Variants in CLRN3 observed in about 807,000 individuals in gnomAD.
CLRN3 encodes the protein clarin 3.
In CLRN3, 12 loss-of-function variants were observed where a neutral mutation model predicts 16.7. The observed-to-expected ratio is 0.72, with a 90% CI of 0.46 to 1.16. CLRN3 has a LOEUF of 1.16. CLRN3 is among the 50% of genes most tolerant of loss of function. The pLI is 0.00. For missense variants in CLRN3, 296 were observed against 274.2 expected, an observed-to-expected ratio of 1.08 and a Z score of -0.56; for synonymous variants, 118 against 113.0, an observed-to-expected ratio of 1.04 and a Z score of -0.28.
intron 1 of CLRN3, 135 bp downstream of exon 1, chr10:127,892,421 A>G: frequency 4.8e-6 from 3 of 626,602 alleles, no homozygotes; most frequent in East Asian, 2.7e-5. Context: ...CAAAATTATG[A>G]GTTAAGCTTG....
chr10:127,883,940 C>T (rs1314835433), intron 1 of CLRN3, 65 bp from the exon 2 acceptor site: 2 of 1,419,862 alleles, frequency 1.4e-6, no homozygotes, highest in Non-Finnish European at 2.0e-6. Context: ...TGGCATTCCT[C>T]CCCACCCTAC....
chr10:127,878,450 C>T (rs772380471), intron 2 of CLRN3, 30 bp from the exon 3 acceptor site: 1 of 1,610,778 alleles, frequency 6.2e-7, no homozygotes, highest in African/African-American at 1.3e-5. Context: ...TCATGCATGG[C>T]ATGGTGATAC....
intron 1 of CLRN3, 122 bp from the exon 2 acceptor site, chr10:127,883,997 A>T (rs554713102): frequency 1.1e-6 from 1 of 875,236 alleles, no homozygotes; most frequent in South Asian, 1.4e-5. Flanking sequence ...AGTTAGAGAT[A>T]CCAGGAGCCT....
intron 1 of CLRN3, among the ~76,000 whole-genome samples, chr10:127,885,705 G>A (rs7915078): frequency 0.27 from 40,500 of 151,988 alleles, 6,699 homozygotes; most frequent in African/African-American, 0.47. Context: ...CTCAGCCTCC[G>A]GAGTAGCTGG....
rs1421808623 is a variant in CLRN3 at position 127,892,789 on chromosome 10, A to T, written c.-5T>A. ...TGTCTTCTTTGTGGTAGGCATTTTC[A>T]CAGGAAAATAAGTTCTCTAGGACAA... On this transcript the variant is annotated 5_prime_UTR_variant, in exon 1 of 3. Coordinates refer to ENST00000368671, the MANE Select transcript of CLRN3 (RefSeq NM_152311.5). The T allele has an allele frequency of 6.4e-7, 1 of 1,572,202 alleles. No individual in the cohort carries two copies. Among genetic ancestry groups the T allele is most frequent in the Admixed American group, 1.7e-5 (1 of 59,880 alleles).
At chr10:127,891,365 A>G (rs187647366) in intron 1 of CLRN3, among the ~76,000 whole-genome samples, 1 of 152,340 alleles carries the variant, frequency 6.6e-6, no homozygotes, top group Admixed American at 6.5e-5. Context: ...CTCTTACTTA[A>G]AATTTGTTAA....
At chr10:127,878,571 A>C (rs1423922832) in intron 2 of CLRN3, 151 bp from the exon 3 acceptor site, 1 of 1,102,126 alleles carries the variant, frequency 9.1e-7, no homozygotes, top group Non-Finnish European at 1.3e-6. Flanking sequence ...CAAAATTGTA[A>C]GACACAAACT....
intron 1 of CLRN3, among the ~76,000 whole-genome samples, chr10:127,887,135 T>TA (rs1281705253): frequency 6.6e-6 from 1 of 151,824 alleles, no homozygotes; most frequent in Non-Finnish European, 1.5e-5. Flanking sequence ...TTGAAAGTAA[T>TA]AGAGGGGGAC....
rs149953463 is a variant in CLRN3 at position 127,878,164 on chromosome 10, G to A, written c.666C>T (p.Asp222=). Residue 222 remains aspartate (D), a synonymous_variant, in exon 3 of 3, where the codon GAC becomes GAT. Coordinates refer to ENST00000368671, the MANE Select transcript of CLRN3 (RefSeq NM_152311.5). Reference sequence around the variant, plus strand: ...GAAAGAGAATTCAGAATAAAATTCCGTCCCTTGGAGCATATTCCATTGGCT... The same window carrying A: ...GAAAGAGAATTCAGAATAAAATTCCATCCCTTGGAGCATATTCCATTGGCT... ...QRKPMEYAPR[D]GILF is the part of the protein sequence containing the mutation. The A allele has an allele frequency of 2.1e-4, 345 of 1,611,680 alleles. No individual in the cohort carries two copies. Among genetic ancestry groups the A allele is most frequent in the Middle Eastern group, 8.3e-4 (5 of 6,014 alleles).
At position 127,878,196 on chromosome 10, in the gene CLRN3, G is replaced by A. The variant is rs1431263341; in HGVS notation, c.634C>T (p.Gln212Ter). Residue 212 changes from glutamine to a stop codon, truncating the protein, a stop_gained, in exon 3 of 3, where the codon CAG (glutamine) becomes TAG (stop). Coordinates refer to ENST00000368671, the MANE Select transcript of CLRN3 (RefSeq NM_152311.5). LOFTEE classifies it high-confidence loss of function. Reference sequence around the variant, plus strand: ...GGAGCATATTCCATTGGCTTTCTCTGCTCCTGCTTCCGCTGGTATCTGGCC... The same window carrying A: ...GGAGCATATTCCATTGGCTTTCTCTACTCCTGCTTCCGCTGGTATCTGGCC... The part of the protein sequence containing the change: ...QKARYQRKQE[Q>*]RKPMEYAPRD... The A allele has an allele frequency of 6.2e-7, 1 of 1,614,138 alleles. No homozygotes were observed. The highest frequency in any genetic ancestry group is 1.1e-5 in the South Asian group (1 of 91,084).
chr10:127,886,135 C>T (rs1247001988), intron 1 of CLRN3, among the ~76,000 whole-genome samples: 1 of 152,160 alleles, frequency 6.6e-6, no homozygotes, highest in East Asian at 1.9e-4. Flanking sequence ...AGTGATCCTC[C>T]CTCCTTGGCC....
At chr10:127,890,666 G>C (rs1482632672) in intron 1 of CLRN3, among the ~76,000 whole-genome samples, 2 of 152,078 alleles carry the variant, frequency 1.3e-5, no homozygotes, top group African/African-American at 4.8e-5. Context: ...GCTGCCAATG[G>C]TTGGTTTCTG....
chr10:127,882,464 C>T (rs564496609), intron 2 of CLRN3, among the ~76,000 whole-genome samples: 2 of 152,354 alleles, frequency 1.3e-5, no homozygotes, highest in East Asian at 1.9e-4. Flanking sequence ...CGTCAGTGAT[C>T]TCACATTGGG....
At chr10:127,883,897 G>A (rs1487454313) in intron 1 of CLRN3, 22 bp from the exon 2 acceptor site, 1 of 1,608,884 alleles carries the variant, frequency 6.2e-7, no homozygotes, top group East Asian at 2.2e-5. Flanking sequence ...TTTTGTGAGT[G>A]CATAGCACAT....
chr10:127,886,050 C>T (rs186684600), intron 1 of CLRN3, among the ~76,000 whole-genome samples: 9 of 151,982 alleles, frequency 5.9e-5, no homozygotes, highest in Admixed American at 3.9e-4. Flanking sequence ...CCACCACGCC[C>T]GGCCTTTTAA....
rs555642607 is a variant in CLRN3, at chr10:127,882,222, T to C, written c.409+1474A>G. On this transcript the variant is annotated intron_variant, in intron 2 of 2. Transcript: ENST00000368671. ...CGTCCATAGTGGCTGCCCATTAAAT[T>C]GGGGGATTTATTTGTTTTTACCCCC... Among the ~76,000 whole-genome samples, 120 of 148,756 alleles carry C rather than the reference T, an allele frequency of 8.1e-4. 1 individual carries two copies. Among genetic ancestry groups the C allele is most frequent in the African/African-American group, 2.8e-3 (113 of 40,362 alleles).
At position 127,878,348 on chromosome 10, in the gene CLRN3, A is replaced by G. The variant is rs1333221241; in HGVS notation, c.482T>C (p.Phe161Ser). The G allele has an allele frequency of 6.2e-7, 1 of 1,614,202 alleles. No homozygotes were observed. The highest frequency in any genetic ancestry group is 1.1e-5 in the South Asian group (1 of 91,078). ...TQSNQLSEELFQMLYPATTSK... is the reference protein window; with the variant it reads ...TQSNQLSEELSQMLYPATTSK... ...GGTGGTTGCCGGGTAAAGCATTTGG[A>G]ACAACTCTTCGGAGAGTTGGTTGGA... The change falls in exon 3 of 3, where the codon TTC becomes TCC. Residue 161 changes from phenylalanine (F) to serine (S), a missense_variant. Coordinates refer to ENST00000368671, the MANE Select transcript of CLRN3 (RefSeq NM_152311.5).
intron 1 of CLRN3, among the ~76,000 whole-genome samples, chr10:127,885,720 A>G (rs1360830240): frequency 2.0e-5 from 3 of 152,132 alleles, no homozygotes; most frequent in African/African-American, 4.8e-5. Flanking sequence ...AGCTGGAACT[A>G]CAGGATGTGC....
At chr10:127,884,793 A>C (rs971704879) in intron 1 of CLRN3, among the ~76,000 whole-genome samples, 3 of 152,096 alleles carry the variant, frequency 2.0e-5, no homozygotes, top group Non-Finnish European at 2.9e-5. Flanking sequence ...ATGCCCAGGC[A>C]CCACAGGGCT....
Sources: gnomAD v4.1 joint callset for allele counts (sites outside exome capture counted in the v4.1 genomes callset) on GRCh38, gnomAD v4.1.1 for gene constraint, MANE v1.5 for transcripts, NCBI Gene and HGNC (gene_info 2026-07-23, HGNC 2026-07-21) for gene names.